CDH13: variants seen among roughly 807,000 people sequenced by gnomAD.
CDH13 encodes cadherin-13.
In CDH13, 24 loss-of-function variants were observed where a neutral mutation model predicts 63.8. That is an observed-to-expected ratio of 0.38 (90% CI 0.27 to 0.53). The LOEUF (loss-of-function observed/expected upper bound fraction) is 0.53. Ranked by LOEUF, CDH13 falls within the 20% of genes least tolerant of loss-of-function variation. The pLI is 0.85. For missense variants in CDH13, 1,049 were observed against 903.1 expected, an observed-to-expected ratio of 1.16 and a Z score of -2.07; for synonymous variants, 503 against 355.3, an observed-to-expected ratio of 1.42 and a Z score of -4.67.
At chr16:82,905,010 A>T (rs1048212449) in intron 2 of CDH13, among the ~76,000 whole-genome samples, 3 of 152,126 alleles carry the variant, frequency 2.0e-5, no homozygotes, top group African/African-American at 7.2e-5. Context: ...AAAATTCTAG[A>T]GGCTCTGACT....
chr16:83,647,428 T>C (rs1172072611), intron 8 of CDH13, among the ~76,000 whole-genome samples: 1 of 152,162 alleles, frequency 6.6e-6, no homozygotes, highest in Non-Finnish European at 1.5e-5. Context: ...TTTGTGAAAG[T>C]TTCTCCCCCA....
At chr16:83,267,814 ATTATG>A (rs2088670774) in intron 5 of CDH13, among the ~76,000 whole-genome samples, 1 of 152,134 alleles carries the variant, frequency 6.6e-6, no homozygotes, top group Non-Finnish European at 1.5e-5. Context: ...TTAACAAGAT[ATTATG>A]TTGTCATAGC....
At chr16:82,969,661 C>T (rs1201474061) in intron 2 of CDH13, among the ~76,000 whole-genome samples, 3 of 152,024 alleles carry the variant, frequency 2.0e-5, no homozygotes, top group Admixed American at 1.3e-4. Flanking sequence ...CACTGGATAC[C>T]ACTAGCAGCA....
At chr16:82,884,951 A>C (rs1036989585) in intron 2 of CDH13, among the ~76,000 whole-genome samples, 9 of 152,160 alleles carry the variant, frequency 5.9e-5, no homozygotes, top group African/African-American at 1.9e-4. Flanking sequence ...TTGGGGAGAA[A>C]ATCCCATTTG....
intron 6 of CDH13, among the ~76,000 whole-genome samples, chr16:83,350,414 A>G (rs16960281): frequency 0.017 from 2,551 of 152,346 alleles, 76 homozygotes; most frequent in African/African-American, 0.058. Context: ...TGTGTCCTGA[A>G]AGATGCACAT....
chr16:82,893,501 C>G (rs1274873170), intron 2 of CDH13, among the ~76,000 whole-genome samples: 1 of 152,182 alleles, frequency 6.6e-6, no homozygotes, highest in Non-Finnish European at 1.5e-5. Context: ...GTTAATTTTT[C>G]CTGTGGGTAA....
chr16:83,312,701 C>T (rs1267895417), intron 5 of CDH13, among the ~76,000 whole-genome samples: 2 of 152,180 alleles, frequency 1.3e-5, no homozygotes, highest in East Asian at 3.9e-4. Flanking sequence ...GCTAGCAAGT[C>T]ACAATCTATA....
At chr16:83,548,150 A>G (rs562693656) in intron 7 of CDH13, among the ~76,000 whole-genome samples, 1 of 152,142 alleles carries the variant, frequency 6.6e-6, no homozygotes, top group African/African-American at 2.4e-5. Flanking sequence ...GAGAATGGTC[A>G]CTTAAACCTA....
rs192180497 is a variant in CDH13 at position 83,782,801 on chromosome 16, C to T, written c.1916-453C>T. On this transcript the variant is annotated intron_variant, in intron 12 of 13. Coordinates refer to ENST00000567109, the MANE Select transcript of CDH13 (RefSeq NM_001257.5). ...TATAGAACCCATCTCCATGATAACA[C>T]ATTAGGGTCCTGCCCACATTGAGAG... Among the ~76,000 whole-genome samples, 51 of 150,484 alleles carry T rather than the reference C, an allele frequency of 3.4e-4. No individual in the cohort carries two copies. The East Asian group carries it at 9.6e-3, about 28-fold the overall frequency.
chr16:83,125,574 T>C, intron 4 of CDH13, 73 bp downstream of exon 4: 2 of 775,378 alleles, frequency 2.6e-6, no homozygotes, highest in Non-Finnish European at 4.4e-6. Flanking sequence ...TGAGTATGAC[T>C]GTCTTGGTGA....
Position 83,425,891 on chromosome 16 carries a change from G to A in CDH13, c.782-60586G>A, listed in dbSNP as rs2071879901. On this transcript the variant is annotated intron_variant, in intron 6 of 13. Coordinates refer to ENST00000567109, the MANE Select transcript of CDH13 (RefSeq NM_001257.5). ...TAATATGTGCCCAGCACTGTTCTAGGCACTACAGATACAGCATTGAACCAC... is the reference window on the plus strand; with the variant it reads ...TAATATGTGCCCAGCACTGTTCTAGACACTACAGATACAGCATTGAACCAC... 4.0e-5 allele frequency among the ~76,000 whole-genome samples: 6 copies of A among 151,726 alleles called. No individual in the cohort carries two copies. In the South Asian group the frequency reaches 1.2e-3, roughly 32 times the overall value.
Position 83,166,621 on chromosome 16 carries a change from T to G in CDH13, c.483+41120T>G, listed in dbSNP as rs139354401. On this transcript the variant is annotated intron_variant, in intron 4 of 13. Coordinates refer to ENST00000567109, the MANE Select transcript of CDH13 (RefSeq NM_001257.5). ...ACAGCAGTTCAGAGGGAATATAGAT[T>G]GTGCTCTTACCTGCCCCATTTCCAT... 1.5e-3 allele frequency among the ~76,000 whole-genome samples: 230 copies of G among 152,274 alleles called. 2 individuals are homozygous for G. Among genetic ancestry groups the G allele is most frequent in the African/African-American group, 5.3e-3 (219 of 41,582 alleles).
chr16:83,007,837 AG>A (rs374714781), intron 2 of CDH13, among the ~76,000 whole-genome samples: 3 of 151,100 alleles, frequency 2.0e-5, no homozygotes, highest in African/African-American at 2.4e-5. Flanking sequence ...AAAAAAAAAA[AG>A]AGAGAAAAGA....
At chr16:82,923,725 G>A (rs115940914) in intron 2 of CDH13, among the ~76,000 whole-genome samples, 37 of 152,252 alleles carry the variant, frequency 2.4e-4, no homozygotes, top group African/African-American at 5.8e-4. Flanking sequence ...GCAGTGAAGC[G>A]GCTCTTAAAT....
In CDH13 at chr16:82,771,671, A is replaced by T. The variant is rs151079654; in HGVS notation, c.46-86691A>T. Among the ~76,000 whole-genome samples the T allele has an allele frequency of 1.9e-3, 284 of 152,332 alleles. 1 individual carries two copies. The highest frequency in any genetic ancestry group is 0.01 in the Middle Eastern group (3 of 294). ...TCCAGCTTTAGAATGCAAACTCTTA[A>T]GTGCTGCCTTAAGTTTGCTTCCCCA... On this transcript the variant is annotated intron_variant, in intron 1 of 13. Coordinates refer to ENST00000567109, the MANE Select transcript of CDH13 (RefSeq NM_001257.5).
chr16:83,211,146 T>A (rs1208195938), intron 4 of CDH13, among the ~76,000 whole-genome samples: 12 of 130,662 alleles, frequency 9.2e-5, no homozygotes, highest in East Asian at 2.2e-4. Context: ...AGATTCCATC[T>A]CAAAAAAAAA....
At chr16:83,450,087 G>A (rs886495541) in intron 6 of CDH13, among the ~76,000 whole-genome samples, 3 of 152,126 alleles carry the variant, frequency 2.0e-5, no homozygotes, top group African/African-American at 7.2e-5. Context: ...GACCCAGCAC[G>A]GTGCCTACTG....
intron 5 of CDH13, among the ~76,000 whole-genome samples, chr16:83,235,348 G>A (rs926171519): frequency 3.3e-5 from 5 of 152,258 alleles, no homozygotes; most frequent in African/African-American, 1.2e-4. Flanking sequence ...GGTGTAAAAT[G>A]AAAATAATAA....
At chr16:82,728,299 G>T (rs2033208965) in intron 1 of CDH13, among the ~76,000 whole-genome samples, 1 of 152,162 alleles carries the variant, frequency 6.6e-6, no homozygotes, top group Middle Eastern at 3.4e-3. Flanking sequence ...GGCTTACAAG[G>T]CCTTGTTCAG....
Sources: allele counts gnomAD v4.1 joint callset (sites outside exome capture counted in the v4.1 genomes callset), GRCh38; gene constraint gnomAD v4.1.1; transcripts MANE v1.5; gene names NCBI Gene and HGNC (gene_info 2026-07-23, HGNC 2026-07-21).